Variants in PAPOLA observed in about 807,000 individuals in gnomAD.
The protein encoded by PAPOLA is poly(A) polymerase alpha.
Under a neutral mutation model 100.6 loss-of-function variants are expected in PAPOLA, and 15 were observed. That is an observed-to-expected ratio of 0.15 (90% CI 0.10 to 0.23). The LOEUF (loss-of-function observed/expected upper bound fraction) is 0.23, where lower values mean the gene tolerates loss of function less well. PAPOLA is among the 10% of genes least tolerant of loss of function. The pLI, the probability that PAPOLA is intolerant of heterozygous loss-of-function variation, is 1.00. For synonymous variants in PAPOLA, 293 were observed against 300.0 expected (o/e 0.98, Z 0.24); for missense variants, 533 against 884.2 (o/e 0.60, Z 5.04).
At chr14:96,543,557 A>G (rs963238133) in intron 14 of PAPOLA, among the ~76,000 whole-genome samples, 2 of 151,400 alleles carry the variant, frequency 1.3e-5, no homozygotes, top group East Asian at 4.0e-4. Flanking sequence ...TATTGATTAT[A>G]TAGATTTTTT....
intron 15 of PAPOLA, among the ~76,000 whole-genome samples, chr14:96,545,966 A>G (rs1900365720): frequency 6.6e-6 from 1 of 152,160 alleles, no homozygotes; most frequent in Non-Finnish European, 1.5e-5. Flanking sequence ...CTAATGAACC[A>G]TCAAGATTTT....
chr14:96,519,213 C>T (rs904848836), intron 1 of PAPOLA, among the ~76,000 whole-genome samples: 1 of 151,898 alleles, frequency 6.6e-6, no homozygotes, highest in Non-Finnish European at 1.5e-5. Context: ...CAGGGGTGAG[C>T]CCACACCTGG....
intron 16 of PAPOLA, among the ~76,000 whole-genome samples, chr14:96,550,183 A>T (rs948576767): frequency 2.9e-4 from 44 of 152,284 alleles, no homozygotes; most frequent in Middle Eastern, 3.4e-3. Context: ...AAAGTATACA[A>T]ACGTTTTATG....
intron 20 of PAPOLA, among the ~76,000 whole-genome samples, chr14:96,562,249 A>G (rs985024716): frequency 2.0e-5 from 3 of 152,034 alleles, no homozygotes; most frequent in African/African-American, 7.2e-5. Context: ...TACTGCTTTT[A>G]AAAAGTTTAG....
intron 4 of PAPOLA, 141 bp downstream of exon 4, chr14:96,525,532 A>T: frequency 2.0e-6 from 1 of 507,426 alleles, no homozygotes; most frequent in Non-Finnish European, 3.5e-6. Flanking sequence ...ATTTTTCAGT[A>T]AGAAAGATGT....
intron 4 of PAPOLA, 122 bp downstream of exon 4, chr14:96,525,513 G>A: frequency 1.9e-6 from 1 of 516,982 alleles, no homozygotes; most frequent in Non-Finnish European, 3.5e-6. Flanking sequence ...AGTGCTTTGA[G>A]GAGTCTAAAT....
At chr14:96,529,224 C>A (rs879563493) in intron 6 of PAPOLA, among the ~76,000 whole-genome samples, 2 of 151,866 alleles carry the variant, frequency 1.3e-5, no homozygotes, top group Admixed American at 1.3e-4. Flanking sequence ...AGTATTATTA[C>A]TGAGTTGCTT....
At chr14:96,503,562 G>C (rs1176563883) in intron 1 of PAPOLA, among the ~76,000 whole-genome samples, 1 of 151,740 alleles carries the variant, frequency 6.6e-6, no homozygotes, top group African/African-American at 2.4e-5. Flanking sequence ...CCTAAATAGT[G>C]AGACTGCATT....
At chr14:96,520,382 A>G (rs1166857173) in intron 2 of PAPOLA, among the ~76,000 whole-genome samples, 154 bp downstream of exon 2, 5 of 151,958 alleles carry the variant, frequency 3.3e-5, no homozygotes, top group African/African-American at 7.3e-5. Flanking sequence ...AAGAGAGAAA[A>G]CTTTTTGTTT....
intron 1 of PAPOLA, among the ~76,000 whole-genome samples, chr14:96,506,693 G>A (rs1372720580): frequency 6.6e-6 from 1 of 152,096 alleles, no homozygotes; most frequent in Non-Finnish European, 1.5e-5. Context: ...TGTATAATGT[G>A]TGCTTAAAAA....
intron 10 of PAPOLA, chr14:96,535,347 A>C (rs1319774284): frequency 8.1e-6 from 8 of 983,868 alleles, no homozygotes; most frequent in Non-Finnish European, 9.7e-6. Context: ...GAAATGTGCC[A>C]CTTACTGATA....
At chr14:96,512,452 GATT>G (rs1461177163) in intron 1 of PAPOLA, among the ~76,000 whole-genome samples, 5 of 152,140 alleles carry the variant, frequency 3.3e-5, no homozygotes, top group African/African-American at 1.2e-4. Context: ...GTATAGAGAT[GATT>G]ATTATAGGCT....
At chr14:96,506,725 G>A (rs74090347) in intron 1 of PAPOLA, among the ~76,000 whole-genome samples, 3,933 of 152,160 alleles carry the variant, frequency 0.026, 160 homozygotes, top group African/African-American at 0.089. Context: ...TTAATATTTG[G>A]TAGACCTGTA....
chr14:96,557,744 TTC>T lies in PAPOLA; in HGVS notation c.2004+1333_2004+1334del, dbSNP rs1335071580. ...AGCTTATTCTCTGAAGACTTTTTCT[TTC>T]TTTTTTTTTTTTTTGGAAATAGCTG... On this transcript the variant is annotated intron_variant, in intron 19 of 21. Coordinates refer to ENST00000216277, the MANE Select transcript of PAPOLA (RefSeq NM_032632.5). 2.1e-3 allele frequency among the ~76,000 whole-genome samples: 324 copies of T among 151,570 alleles called. 2 individuals are homozygous for T. The highest frequency in any genetic ancestry group is 7.5e-3 in the African/African-American group (309 of 41,404).
chr14:96,543,041 T>A (rs1900119295), intron 14 of PAPOLA, 148 bp downstream of exon 14: 2 of 812,964 alleles, frequency 2.5e-6, no homozygotes, highest in Non-Finnish European at 1.9e-6. Context: ...TAGTTTTTCC[T>A]GATCAGAAAC....
chr14:96,508,623 G>C (rs1445758457), intron 1 of PAPOLA, among the ~76,000 whole-genome samples: 1 of 152,134 alleles, frequency 6.6e-6, no homozygotes, highest in African/African-American at 2.4e-5. Context: ...GTCAACTTTA[G>C]GTTAACATTA....
At position 96,536,654 on chromosome 14, in the gene PAPOLA, T is replaced by C. The variant is rs567192892; in HGVS notation, c.1031-322T>C. ...TAGAAACAACAGGGAAACTTGGTTT[T>C]AGAAAGGCAAGAAACAAAGTATATT... On this transcript the variant is annotated intron_variant, in intron 11 of 21. Coordinates refer to ENST00000216277, the MANE Select transcript of PAPOLA (RefSeq NM_032632.5). Among the ~76,000 whole-genome samples, 3 of 152,130 alleles carry C rather than the reference T, an allele frequency of 2.0e-5. No individual in the cohort carries two copies. In the East Asian group the frequency reaches 5.8e-4, roughly 29 times the overall value.
At chr14:96,560,010 C>T (rs535808798) in intron 19 of PAPOLA, among the ~76,000 whole-genome samples, 2 of 152,194 alleles carry the variant, frequency 1.3e-5, no homozygotes, top group South Asian at 2.1e-4. Flanking sequence ...TGGAATTGAT[C>T]GATACTGTAT....
chr14:96,556,499 A>T, intron 19 of PAPOLA, 86 bp downstream of exon 19: 1 of 889,656 alleles, frequency 1.1e-6, no homozygotes, highest in Non-Finnish European at 1.8e-6. Flanking sequence ...TTATGAACCA[A>T]AATAGAGAAG....
Sources: gnomAD v4.1 joint callset for allele counts (sites outside exome capture counted in the v4.1 genomes callset) on GRCh38, gnomAD v4.1.1 for gene constraint, MANE v1.5 for transcripts, NCBI Gene and HGNC (gene_info 2026-07-23, HGNC 2026-07-21) for gene names.